The following PHTF2 variants were observed in gnomAD, a reference collection of about 807,000 sequenced individuals.
The protein encoded by PHTF2 is protein PHTF2.
PHTF2 carries 60 observed loss-of-function variants against 101.2 expected under a neutral mutation model. That is an observed-to-expected ratio of 0.59 (90% CI 0.48 to 0.73). The LOEUF is 0.73. Among genes scored for constraint, PHTF2 ranks in the 30% least tolerant of loss-of-function variants. The pLI is 0.00. For synonymous variants in PHTF2, 311 were observed against 307.3 expected, an observed-to-expected ratio of 1.01 and a Z score of -0.13; for missense variants, 747 against 908.7, an observed-to-expected ratio of 0.82 and a Z score of 2.29.
chr7:77,847,794 T>C (rs907358981), intron 2 of PHTF2, among the ~76,000 whole-genome samples: 1 of 152,234 alleles, frequency 6.6e-6, no homozygotes, highest in Non-Finnish European at 1.5e-5. Context: ...TATCAAGTAC[T>C]GGATCTTATT....
At chr7:77,938,368 A>C (rs1204343457) in intron 13 of PHTF2, among the ~76,000 whole-genome samples, 1 of 152,210 alleles carries the variant, frequency 6.6e-6, no homozygotes, top group Non-Finnish European at 1.5e-5. Flanking sequence ...AAAGAAGTCT[A>C]ATTGAAATAC....
intron 16 of PHTF2, among the ~76,000 whole-genome samples, chr7:77,946,999 G>T (rs1012640364): frequency 2.6e-5 from 4 of 151,098 alleles, no homozygotes; most frequent in Non-Finnish European, 1.5e-5. Context: ...ACATGCCTGT[G>T]ATCCCAGCTA....
At position 77,875,805 on chromosome 7, in the gene PHTF2, C is replaced by G. The variant is rs1001408658; in HGVS notation, c.148-17803C>G. On this transcript the variant is annotated intron_variant, in intron 3 of 19. Transcript: ENST00000416283. ...ATCTCCTGACCTCGTGATCTGCCTG[C>G]CTCAGTCTCCCAAAGTGCTGGGATT... is the stretch of plus-strand genomic sequence containing the variant. Among the ~76,000 whole-genome samples, 3 of 152,118 alleles carry G rather than the reference C, an allele frequency of 2.0e-5. No individual in the cohort carries two copies. In the South Asian group the frequency reaches 6.2e-4, roughly 32 times the overall value.
intron 1 of PHTF2, among the ~76,000 whole-genome samples, chr7:77,838,470 A>G (rs953478680): frequency 5.3e-5 from 8 of 152,218 alleles, no homozygotes; most frequent in Non-Finnish European, 1.2e-4. Flanking sequence ...TTAAACTGCT[A>G]TGTTTAAAAA....
intron 2 of PHTF2, among the ~76,000 whole-genome samples, chr7:77,850,656 A>G (rs965953502): frequency 2.2e-4 from 33 of 151,724 alleles, no homozygotes; most frequent in East Asian, 7.7e-4. Flanking sequence ...AAAAAAAAAA[A>G]AAAAGAAAAG....
intron 9 of PHTF2, among the ~76,000 whole-genome samples, chr7:77,917,283 C>T (rs528715420): frequency 6.6e-6 from 1 of 152,264 alleles, no homozygotes; most frequent in African/African-American, 2.4e-5. Context: ...GTTTTGGGTT[C>T]AACTTGTATT....
At chr7:77,936,061 T>C (rs868599591) in intron 12 of PHTF2, among the ~76,000 whole-genome samples, 8 of 152,282 alleles carry the variant, frequency 5.3e-5, no homozygotes, top group Middle Eastern at 3.4e-3. Context: ...AGTAGTGAAA[T>C]GTATACCATG....
At chr7:77,878,653 A>G (rs997937210) in intron 3 of PHTF2, among the ~76,000 whole-genome samples, 1 of 152,072 alleles carries the variant, frequency 6.6e-6, no homozygotes, top group Non-Finnish European at 1.5e-5. Flanking sequence ...TAGCTTGGCT[A>G]CTCCCAGGAA....
chr7:77,875,134 C>A (rs916231134), intron 3 of PHTF2, among the ~76,000 whole-genome samples: 4 of 151,926 alleles, frequency 2.6e-5, no homozygotes, highest in Admixed American at 1.3e-4. Flanking sequence ...TTTTCTATTT[C>A]TGTGTAGGGG....
exon 19 of PHTF2, chr7:77,953,854 T>C: frequency 6.2e-7 from 1 of 1,613,514 alleles, no homozygotes; most frequent in Non-Finnish European, 8.5e-7. Context: ...CTGTCAGCTG[T>C]TTCTGGTGTT....
chr7:77,920,393 A>G, exon 10 of PHTF2: 1 of 1,613,430 alleles, frequency 6.2e-7, no homozygotes, highest in Non-Finnish European at 8.5e-7. Flanking sequence ...AAAACCATGA[A>G]CCTCAGTGTG....
intron 3 of PHTF2, among the ~76,000 whole-genome samples, chr7:77,860,802 C>T (rs949737241): frequency 1.2e-4 from 18 of 152,088 alleles, no homozygotes; most frequent in African/African-American, 4.3e-4. Context: ...GCCTTGACCT[C>T]CTCGGCTCAA....
chr7:77,937,629 GAT>G (rs1161200252), intron 12 of PHTF2, 79 bp from the exon 12 acceptor site: 2 of 441,768 alleles, frequency 4.5e-6, no homozygotes, highest in African/African-American at 4.2e-5. Flanking sequence ...TGTATATAGA[GAT>G]ATATATACAA....
intron 1 of PHTF2, among the ~76,000 whole-genome samples, chr7:77,835,274 CA>C (rs11412821): frequency 2.7e-3 from 222 of 82,230 alleles, no homozygotes; most frequent in Middle Eastern, 6.0e-3. Context: ...AACTCCGTCT[CA>C]AAAAAAAAAA....
chr7:77,849,580 T>C (rs1423627412), intron 2 of PHTF2, among the ~76,000 whole-genome samples: 1 of 152,218 alleles, frequency 6.6e-6, no homozygotes. Context: ...CTAGGATTAT[T>C]TTTTCTATTT....
Position 77,897,925 on chromosome 7 carries a change from G to A in PHTF2, c.217-2786G>A, listed in dbSNP as rs577885138. ...TGAACTCCTGACCTCAGGTGATCCT[G>A]CCCACCTCAGCCTCTCAAAGTGCTG... On this transcript the variant is annotated intron_variant, in intron 5 of 19. Coordinates refer to ENST00000416283, the Ensembl canonical transcript of PHTF2. 4.0e-5 allele frequency among the ~76,000 whole-genome samples: 6 copies of A among 150,598 alleles called. No homozygotes were observed. The South Asian group carries it at 1.3e-3, about 32-fold the overall frequency.
intron 3 of PHTF2, among the ~76,000 whole-genome samples, chr7:77,855,794 A>G (rs1348904861): frequency 1.3e-5 from 2 of 151,978 alleles, no homozygotes; most frequent in Non-Finnish European, 2.9e-5. Context: ...CATAATCACT[A>G]CACTTTCTGT....
In PHTF2 at chr7:77,935,038, T is replaced by C. The variant is rs112932774; in HGVS notation, c.1339-2672T>C. On this transcript the variant is annotated intron_variant, in intron 12 of 19. Coordinates refer to ENST00000416283, the Ensembl canonical transcript of PHTF2. ...AAATTATTTGCTCTGATGTTTTCCC[T>C]GAACCTTTTAAAAAAAATTTCATGT... Among the ~76,000 whole-genome samples the C allele has an allele frequency of 6.7e-3, 1,020 of 151,920 alleles. 5 individuals carry two copies. Among genetic ancestry groups the C allele is most frequent in the African/African-American group, 0.023 (954 of 41,388 alleles).
At chr7:77,922,931 A>G (rs540014596) in intron 11 of PHTF2, 153 bp downstream of exon 10, 3 of 1,353,468 alleles carry the variant, frequency 2.2e-6, no homozygotes, top group Non-Finnish European at 2.9e-6. Flanking sequence ...ATAAAATAGC[A>G]GTTTTAGGTT....
Sources: allele counts gnomAD v4.1 joint callset (sites outside exome capture counted in the v4.1 genomes callset), GRCh38; gene constraint gnomAD v4.1.1; transcripts MANE v1.5; gene names NCBI Gene and HGNC (gene_info 2026-07-23, HGNC 2026-07-21).